The following NECTIN1 variants were observed in gnomAD, a reference collection of about 807,000 sequenced individuals.
The protein encoded by NECTIN1 is nectin cell adhesion molecule 1.
Under a neutral mutation model 48.0 loss-of-function variants are expected in NECTIN1, and 23 were observed. The ratio of observed to expected loss-of-function variants is 0.48; its 90% CI spans 0.34 to 0.68. The LOEUF is 0.68. Among genes scored for constraint, NECTIN1 ranks in the 30% least tolerant of loss-of-function variants. The pLI is 0.01. For missense variants in NECTIN1, 591 were observed against 709.9 expected (o/e 0.83, Z 1.90); for synonymous variants, 270 against 288.9 (o/e 0.93, Z 0.66).
chr11:119,640,215 C>T, intron 5 of NECTIN1: 1 of 617,972 alleles, frequency 1.6e-6, no homozygotes, highest in Admixed American at 2.7e-5. Flanking sequence ...TCCCTATGAC[C>T]CTGTAACCCC....
At position 119,716,529 on chromosome 11, in the gene NECTIN1, A is replaced by G. The variant is rs79794309; in HGVS notation, c.79+11946T>C. ...ATACACCCGCTGACACAGGTAAGTC[A>G]TAAAAGACTGAGATCATTTGACTCC... On this transcript the variant is annotated intron_variant, in intron 1 of 5. Transcript: ENST00000264025. 1.2e-3 allele frequency among the ~76,000 whole-genome samples: 183 copies of G among 152,362 alleles called. 3 individuals carry two copies. In the East Asian group the frequency reaches 0.03, roughly 25 times the overall value.
intron 5 of NECTIN1, among the ~76,000 whole-genome samples, chr11:119,668,273 G>A (rs1864808190): frequency 6.6e-6 from 1 of 152,176 alleles, no homozygotes; most frequent in South Asian, 2.1e-4. Flanking sequence ...TTTTACTGCT[G>A]TGGTCGATTC....
intron 1 of NECTIN1, among the ~76,000 whole-genome samples, chr11:119,696,621 T>A (rs997074292): frequency 9.2e-5 from 14 of 151,784 alleles, no homozygotes; most frequent in African/African-American, 3.1e-4. Flanking sequence ...GGGCTGGGTG[T>A]TGGGGGCAAG....
At chr11:119,659,776 C>T (rs965572454), downstream of NECTIN1, among the ~76,000 whole-genome samples, 9 of 152,202 alleles carry the variant, frequency 5.9e-5, no homozygotes, top group South Asian at 2.1e-4. Flanking sequence ...TTTGCCGGAA[C>T]GCTCTAGTTA....
At chr11:119,650,812 T>C (rs1864479794) in intron 5 of NECTIN1, among the ~76,000 whole-genome samples, 1 of 152,176 alleles carries the variant, frequency 6.6e-6, no homozygotes, top group South Asian at 2.1e-4. Context: ...GAGGTGAGGA[T>C]TCAATGTTAT....
chr11:119,650,090 G>T (rs1357198162), intron 5 of NECTIN1, among the ~76,000 whole-genome samples: 3 of 152,078 alleles, frequency 2.0e-5, no homozygotes, highest in Non-Finnish European at 4.4e-5. Flanking sequence ...GGGCAAGAGT[G>T]GGGGTCACAA....
intron 1 of NECTIN1, among the ~76,000 whole-genome samples, chr11:119,696,553 C>T (rs1459488487): frequency 6.6e-6 from 1 of 152,126 alleles, no homozygotes; most frequent in Non-Finnish European, 1.5e-5. Context: ...GAATCAGGTG[C>T]CCTGTCCTGA....
At chr11:119,718,574 G>A (rs1441321958) in intron 1 of NECTIN1, among the ~76,000 whole-genome samples, 2 of 152,212 alleles carry the variant, frequency 1.3e-5, no homozygotes, top group African/African-American at 4.8e-5. Context: ...GCTGAGCCCT[G>A]GATCCACCCA....
chr11:119,708,382 T>A (rs1259730449), intron 1 of NECTIN1, among the ~76,000 whole-genome samples: 2 of 152,158 alleles, frequency 1.3e-5, no homozygotes, highest in African/African-American at 4.8e-5. Context: ...AAAAGGGCTT[T>A]GTATTAGATG....
intron 1 of NECTIN1, among the ~76,000 whole-genome samples, chr11:119,679,425 C>T (rs1865021689): frequency 6.6e-6 from 1 of 152,184 alleles, no homozygotes; most frequent in South Asian, 2.1e-4. Context: ...CCCTGGGGTG[C>T]ACTAGCTGGG....
chr11:119,700,295 TG>T (rs752485586), intron 1 of NECTIN1, among the ~76,000 whole-genome samples: 2 of 152,242 alleles, frequency 1.3e-5, no homozygotes, highest in Non-Finnish European at 2.9e-5. Flanking sequence ...GAGTCCCTAA[TG>T]GGACAAATTC....
At position 119,664,314 on chromosome 11, in the gene NECTIN1, TG is replaced by T; in HGVS notation, c.*432del. ...GGAGGAGGAGCAGCATCTGGGGGTG[TG>T]GGGAGCTTTTCCCTCTTAGAGCCCC... On this transcript the variant is annotated 3_prime_UTR_variant, in exon 6 of 6. Coordinates refer to ENST00000264025, the MANE Select transcript of NECTIN1 (RefSeq NM_002855.5). The T allele has an allele frequency of 1.5e-5, 15 of 1,003,142 alleles. No individual in the cohort carries two copies. Among genetic ancestry groups the T allele is most frequent in the Non-Finnish European group, 1.8e-5 (15 of 840,540 alleles). The allele number at this position is 1,003,142 out of a possible 1,614,324, so 62.1% of individuals were successfully genotyped here.
Position 119,661,199 on chromosome 11 carries a change from A to T in NECTIN1, c.*3548T>A. Reference sequence around the variant, plus strand: ...AGGTAGCGCATCACGCTGGGAGGGGAGGGTGGCAGCTTCTCCTGGATTCTT... The same window carrying T: ...AGGTAGCGCATCACGCTGGGAGGGGTGGGTGGCAGCTTCTCCTGGATTCTT... On this transcript the variant is annotated 3_prime_UTR_variant, in exon 6 of 6. Transcript: ENST00000264025. 1 of 985,764 alleles carries T rather than the reference A, an allele frequency of 1.0e-6. No homozygotes were observed. The highest frequency in any genetic ancestry group is 1.2e-6 in the Non-Finnish European group (1 of 829,916). 61.1% of individuals were successfully genotyped at this position (985,764 alleles called of 1,614,324 possible). A position where few individuals can be genotyped will look rare whatever the true frequency, so the allele number is the denominator to read the frequency against.
Position 119,677,028 on chromosome 11 carries a change from G to A in NECTIN1, c.851+74C>T. 1 of 1,292,196 alleles carries A rather than the reference G, an allele frequency of 7.7e-7. No homozygotes were observed. Among genetic ancestry groups the A allele is most frequent in the Non-Finnish European group, 1.1e-6 (1 of 887,172 alleles). 80.0% of individuals were successfully genotyped at this position (1,292,196 alleles called of 1,614,324 possible). A position where few individuals can be genotyped will look rare whatever the true frequency, so the allele number is the denominator to read the frequency against. On this transcript the variant is annotated intron_variant, in intron 4 of 5. Transcript: ENST00000264025. The surrounding 1 kb of genome is among the most constrained non-coding windows in gnomAD (Gnocchi z 5.4). ...CCCTGCCTAAAGGCTCCTGGAGGTA[G>A]GATGGTTGCCCCTCATCACCCGTGG...
rs1360335493 is a variant in NECTIN1 at position 119,664,692 on chromosome 11, C to T, written c.*55G>A. On this transcript the variant is annotated 3_prime_UTR_variant, in exon 6 of 6. Coordinates refer to ENST00000264025, the MANE Select transcript of NECTIN1 (RefSeq NM_002855.5). ...TGGGAGGTGGGGGGTGGGCAGGGGG[C>T]GTGCGGGGAGGGGCTGGGGAGGAGC... 25 of 682,188 alleles carry T rather than the reference C, an allele frequency of 3.7e-5. No homozygotes were observed. Among genetic ancestry groups the T allele is most frequent in the Middle Eastern group, 3.8e-4 (1 of 2,610 alleles). 42.3% of individuals were successfully genotyped at this position (682,188 alleles called of 1,614,324 possible).
At position 119,661,831 on chromosome 11, in the gene NECTIN1, C is replaced by G. The variant is rs768394868; in HGVS notation, c.*2916G>C. The G allele has an allele frequency of 1.6e-5, 16 of 985,236 alleles. No homozygotes were observed. Among genetic ancestry groups the G allele is most frequent in the Non-Finnish European group, 1.9e-5 (16 of 829,934 alleles). 61.0% of individuals were successfully genotyped at this position (985,236 alleles called of 1,614,324 possible). On this transcript the variant is annotated 3_prime_UTR_variant, in exon 6 of 6. Transcript: ENST00000264025. Reference sequence around the variant, plus strand: ...CTGAGTGGCCATCTGGCTGTGCATGCATGCGTGTGTACATGCGTGTACACA... The same window carrying G: ...CTGAGTGGCCATCTGGCTGTGCATGGATGCGTGTGTACATGCGTGTACACA...
chr11:119,678,119 CAGCGCAGGTGGCTCCTTTCCTT>C lies in NECTIN1; in HGVS notation c.430+274_431-263del, dbSNP rs1180322021. ...GGAGTCCCAGCATGTCTAAGGCAAG[CAGCGCAGGTGGCTCCTTTCCTT>C]ACCGTGGTGTCTGATGCTGCTGCCA... is the stretch of plus-strand genomic sequence containing the variant. On this transcript the variant is annotated intron_variant, in intron 2 of 5. Coordinates refer to ENST00000264025, the MANE Select transcript of NECTIN1 (RefSeq NM_002855.5). This position sits in a 1 kb window ranked among gnomAD's most constrained non-coding sequence, Gnocchi z 4.4. Among the ~76,000 whole-genome samples, 3 of 152,224 alleles carry C rather than the reference CAGCGCAGGTGGCTCCTTTCCTT, an allele frequency of 2.0e-5. No homozygotes were observed. Among genetic ancestry groups the C allele is most frequent in the African/African-American group, 7.2e-5 (3 of 41,460 alleles).
At position 119,664,416 on chromosome 11, in the gene NECTIN1, C is replaced by T. The variant is rs908456477; in HGVS notation, c.*331G>A. ...GGGCGGGGGAGGCTGGCTCCCCAAA[C>T]CCTGGAGGGATGCCCAGGTACACAA... On this transcript the variant is annotated 3_prime_UTR_variant, in exon 6 of 6. Transcript: ENST00000264025. The T allele has an allele frequency of 3.6e-6, 4 of 1,125,712 alleles. No individual in the cohort carries two copies. The highest frequency in any genetic ancestry group is 1.6e-5 in the African/African-American group (1 of 62,174). The allele number at this position is 1,125,712 out of a possible 1,614,324, so 69.7% of individuals were successfully genotyped here.
At chr11:119,646,038 G>T (rs891048043) in intron 5 of NECTIN1, among the ~76,000 whole-genome samples, 4 of 152,202 alleles carry the variant, frequency 2.6e-5, no homozygotes, top group African/African-American at 9.7e-5. Context: ...GGAGTCCCCT[G>T]CCTCCTGGCC....
Sources: allele counts gnomAD v4.1 joint callset (sites outside exome capture counted in the v4.1 genomes callset), GRCh38; gene constraint gnomAD v4.1.1; non-coding constraint Gnocchi (gnomAD v3.1); transcripts MANE v1.5; gene names NCBI Gene and HGNC (gene_info 2026-07-23, HGNC 2026-07-21).